The following ELP3 variants were observed in gnomAD, a reference collection of about 807,000 sequenced individuals.
ELP3 encodes the protein elongator acetyltransferase complex subunit 3, also known as elongator complex protein 3.
ELP3 carries 56 observed loss-of-function variants against 74.9 expected under a neutral mutation model. The observed-to-expected ratio is 0.75, with a 90% CI of 0.60 to 0.93. The LOEUF (loss-of-function observed/expected upper bound fraction) is 0.93. Among genes scored for constraint, ELP3 ranks in the 40% least tolerant of loss-of-function variants. The pLI, the probability that ELP3 is intolerant of heterozygous loss-of-function variation, is 0.00. For missense variants in ELP3, 573 were observed against 686.5 expected (o/e 0.83, Z 1.85); for synonymous variants, 222 against 239.8 (o/e 0.93, Z 0.68).
Position 28,153,841 on chromosome 8 carries a change from C to T in ELP3, c.1101-2101C>T, listed in dbSNP as rs1325480269. Among the ~76,000 whole-genome samples, 8 of 152,122 alleles carry T rather than the reference C, an allele frequency of 5.3e-5. 1 individual carries two copies. The highest frequency in any genetic ancestry group is 5.2e-4 in the Admixed American group (8 of 15,270). On this transcript the variant is annotated intron_variant, in intron 10 of 14. Transcript: ENST00000256398. Reference sequence around the variant, plus strand: ...GAGATTTTTTAATTGGTTTTTGGTGCATTGGGTAATTAACTTCTCAGTGAC... The same window carrying T: ...GAGATTTTTTAATTGGTTTTTGGTGTATTGGGTAATTAACTTCTCAGTGAC...
In ELP3 at chr8:28,158,590, A is replaced by C. The variant is rs1813939126; in HGVS notation, c.1214A>C (p.Glu405Ala). Residue 405 changes from glutamate to alanine, a missense_variant, in exon 12 of 15, where the codon GAA becomes GCA. Physicochemically the swap from Glu to Ala is moderately radical, Grantham distance 107 (BLOSUM62 -1). Transcript: ENST00000256398. ...GIQCRDVRTREVGIQEIHHKV... is the reference protein window; with the variant it reads ...GIQCRDVRTRAVGIQEIHHKV... ...CAGTGTCGAGATGTGAGAACCAGAGAAGTTGGAATCCAAGAAATTCATCAC... is the reference window on the plus strand; with the variant it reads ...CAGTGTCGAGATGTGAGAACCAGAGCAGTTGGAATCCAAGAAATTCATCAC... The C allele has an allele frequency of 6.2e-7, 1 of 1,611,862 alleles. No individual in the cohort carries two copies. Among genetic ancestry groups the C allele is most frequent in the African/African-American group, 1.3e-5 (1 of 74,524 alleles).
At chr8:28,091,099 G>A (rs1166739935), upstream of ELP3, among the ~76,000 whole-genome samples, 1 of 151,854 alleles carries the variant, frequency 6.6e-6, no homozygotes, top group Non-Finnish European at 1.5e-5. Context: ...GTGGAGACGG[G>A]GTTTCATCAT....
At chr8:28,111,280 T>C (rs1037849475) in intron 6 of ELP3, among the ~76,000 whole-genome samples, 1 of 152,206 alleles carries the variant, frequency 6.6e-6, no homozygotes, top group African/African-American at 2.4e-5. Context: ...CTCAGTATGG[T>C]TGACTAAAAA....
intron 10 of ELP3, among the ~76,000 whole-genome samples, chr8:28,142,601 TA>T (rs2130498336): frequency 6.6e-6 from 1 of 152,342 alleles, no homozygotes; most frequent in East Asian, 1.9e-4. Flanking sequence ...GAGGACAGTT[TA>T]TTTTTTGAAG....
chr8:28,170,595 G>T (rs1814483694), intron 14 of ELP3, among the ~76,000 whole-genome samples: 1 of 152,124 alleles, frequency 6.6e-6, no homozygotes, highest in African/African-American at 2.4e-5. Context: ...GAACATAGAA[G>T]CCTGGTTTTG....
At chr8:28,172,786 G>A (rs146148041) in intron 14 of ELP3, among the ~76,000 whole-genome samples, 42 of 152,100 alleles carry the variant, frequency 2.8e-4, no homozygotes, top group Non-Finnish European at 1.2e-4. Context: ...TTTCACATAT[G>A]GCCTTTACAA....
At chr8:28,130,933 A>G (rs573039116) in intron 8 of ELP3, among the ~76,000 whole-genome samples, 1 of 152,354 alleles carries the variant, frequency 6.6e-6, no homozygotes, top group African/African-American at 2.4e-5. Context: ...GAGTCAGCCC[A>G]GGGAGGCTGG....
intron 11 of ELP3, among the ~76,000 whole-genome samples, chr8:28,157,196 T>A (rs2130539838): frequency 6.6e-6 from 1 of 151,150 alleles, no homozygotes; most frequent in South Asian, 2.1e-4. Flanking sequence ...AAGGCTGGAA[T>A]TCAGTCATAG....
chr8:28,189,040 C>A (rs1004460999), intron 14 of ELP3, among the ~76,000 whole-genome samples: 2 of 152,210 alleles, frequency 1.3e-5, no homozygotes, highest in Non-Finnish European at 2.9e-5. Context: ...TCTTCACAAA[C>A]CACACTTCAT....
At chr8:28,137,207 A>G (rs1813023075) in intron 9 of ELP3, among the ~76,000 whole-genome samples, 1 of 152,238 alleles carries the variant, frequency 6.6e-6, no homozygotes. Context: ...GGTATACTCT[A>G]GAGGTGAAGG....
In ELP3 at chr8:28,160,418, C is replaced by A. The variant is rs1301420833; in HGVS notation, c.1447C>A (p.Pro483Thr). ...GCTGCATGTGTATGGGAGTGTGGTC[C>A]CTGTGAGCAGCCGGGATCCTACTAA... ...RELHVYGSVV[P>T]VSSRDPTKFQ... The change falls in exon 13 of 15, where the codon CCT (proline) becomes ACT (threonine). Residue 483 changes from proline (P) to threonine (T), a missense_variant. Coordinates refer to ENST00000256398, the MANE Select transcript of ELP3 (RefSeq NM_018091.6). 3.1e-6 allele frequency: 5 copies of A among 1,613,972 alleles called. No individual in the cohort carries two copies. Among genetic ancestry groups the A allele is most frequent in the Non-Finnish European group, 4.2e-6 (5 of 1,179,974 alleles).
At chr8:28,129,200 A>G (rs1748792705) in intron 7 of ELP3, 1 of 224,020 alleles carries the variant, frequency 4.5e-6, no homozygotes, top group Non-Finnish European at 8.8e-6. Flanking sequence ...GCAGGAGAAT[A>G]ATAATGATAA....
rs149100607 is a variant in ELP3, at chr8:28,138,163, A to G, written c.1100+272A>G. On this transcript the variant is annotated intron_variant, in intron 10 of 14. Transcript: ENST00000256398. Reference sequence around the variant, plus strand: ...CATGGTGCTTGCTTCCGAGCAGCTTATGGTCTAGTTCAGTGTTTCCTCTTC... The same window carrying G: ...CATGGTGCTTGCTTCCGAGCAGCTTGTGGTCTAGTTCAGTGTTTCCTCTTC... Among the ~76,000 whole-genome samples, 427 of 152,234 alleles carry G rather than the reference A, an allele frequency of 2.8e-3. 1 individual carries two copies. Among genetic ancestry groups the G allele is most frequent in the African/African-American group, 9.7e-3 (403 of 41,526 alleles).
chr8:28,096,780 G>T (rs1563243605), intron 1 of ELP3, among the ~76,000 whole-genome samples: 2 of 152,172 alleles, frequency 1.3e-5, no homozygotes, highest in Non-Finnish European at 1.5e-5. Context: ...TTCTTGTTCT[G>T]TCTACCTCTG....
intron 13 of ELP3, 105 bp downstream of exon 13, chr8:28,160,561 G>A (rs1814036576): frequency 1.0e-6 from 1 of 974,936 alleles, no homozygotes; most frequent in African/African-American, 1.6e-5. Flanking sequence ...GAGCAGGAGA[G>A]GGGAAAGAGA....
chr8:28,091,678 T>C (rs79720080), upstream of ELP3, among the ~76,000 whole-genome samples: 1,911 of 152,282 alleles, frequency 0.013, 34 homozygotes, highest in African/African-American at 0.04. Context: ...CCTCCAAATT[T>C]TGCAAAATTT....
At position 28,093,159 on chromosome 8, in the gene ELP3, G is replaced by C. The variant is rs1436975647; in HGVS notation, c.-56G>C. 1.2e-5 allele frequency: 20 copies of C among 1,603,092 alleles called. No individual in the cohort carries two copies. Among genetic ancestry groups the C allele is most frequent in the Non-Finnish European group, 1.6e-5 (19 of 1,176,548 alleles). On this transcript the variant is annotated 5_prime_UTR_variant, in exon 1 of 15. Coordinates refer to ENST00000256398, the MANE Select transcript of ELP3 (RefSeq NM_018091.6). Reference sequence around the variant, plus strand: ...TTTGTGGCTGTCAGCTTTCCCCGTGGTCTGAGTTTGTGGCTGCATTTTTAT... The same window carrying C: ...TTTGTGGCTGTCAGCTTTCCCCGTGCTCTGAGTTTGTGGCTGCATTTTTAT...
At chr8:28,091,268 T>C (rs944765904), upstream of ELP3, among the ~76,000 whole-genome samples, 16 of 152,134 alleles carry the variant, frequency 1.1e-4, no homozygotes, top group Non-Finnish European at 2.1e-4. Context: ...AAGGTCTCTG[T>C]GTTGATGTTA....
At chr8:28,182,279 G>A (rs780042428) in intron 14 of ELP3, among the ~76,000 whole-genome samples, 3 of 152,216 alleles carry the variant, frequency 2.0e-5, no homozygotes, top group African/African-American at 4.8e-5. Context: ...CTAGGTTTGC[G>A]GCCGGGCACA....
Sources: allele counts gnomAD v4.1 joint callset (sites outside exome capture counted in the v4.1 genomes callset), GRCh38; gene constraint gnomAD v4.1.1; transcripts MANE v1.5; gene names NCBI Gene and HGNC (gene_info 2026-07-23, HGNC 2026-07-21).